G2E3: variants seen among roughly 807,000 people sequenced by gnomAD.
G2E3 encodes the protein G2/M-phase specific E3 ubiquitin protein ligase, also known as G2/M phase-specific E3 ubiquitin-protein ligase.
In G2E3, 35 loss-of-function variants were observed where a neutral mutation model predicts 92.8. The observed-to-expected ratio is 0.38, with a 90% CI of 0.29 to 0.50. The LOEUF (loss-of-function observed/expected upper bound fraction) is 0.50. Ranked by LOEUF, G2E3 falls within the 20% of genes least tolerant of loss-of-function variation. The pLI is 0.94. For missense variants in G2E3, 554 were observed against 823.8 expected (o/e 0.67, Z 4.01); for synonymous variants, 242 against 272.4 (o/e 0.89, Z 1.10).
In G2E3 at chr14:30,616,586, C is replaced by G. The variant is rs1360730925; in HGVS notation, c.*52C>G. ...TCTTTAAAAGCTGCTATTGATAACT[C>G]TCTTTTATTTCACTAACCTTTTCAT... On this transcript the variant is annotated 3_prime_UTR_variant, in exon 15 of 15. Transcript: ENST00000206595. 2 of 1,352,054 alleles carry G rather than the reference C, an allele frequency of 1.5e-6. No individual in the cohort carries two copies. Among genetic ancestry groups the G allele is most frequent in the African/African-American group, 1.5e-5 (1 of 68,000 alleles). The allele number at this position is 1,352,054 out of a possible 1,614,324, so 83.8% of individuals were successfully genotyped here.
At chr14:30,607,098 G>A (rs1296644288) in intron 11 of G2E3, among the ~76,000 whole-genome samples, 2 of 152,062 alleles carry the variant, frequency 1.3e-5, no homozygotes, top group Non-Finnish European at 2.9e-5. Flanking sequence ...CAGGGGGATG[G>A]TTTGCATTAT....
chr14:30,560,689 G>T (rs1317254090), intron 1 of G2E3: 12 of 628,186 alleles, frequency 1.9e-5, no homozygotes, highest in South Asian at 5.3e-5. Flanking sequence ...TTGGATTTTT[G>T]CTCTTTCTTA....
chr14:30,582,966 A>G (rs1243629838), intron 2 of G2E3, among the ~76,000 whole-genome samples: 1 of 152,196 alleles, frequency 6.6e-6, no homozygotes, highest in African/African-American at 2.4e-5. Context: ...GATTGCATGT[A>G]TTATTCAAGG....
intron 1 of G2E3, among the ~76,000 whole-genome samples, chr14:30,572,718 TC>T (rs1879839681): frequency 6.6e-6 from 1 of 152,092 alleles, no homozygotes; most frequent in Non-Finnish European, 1.5e-5. Context: ...AGATATATTA[TC>T]CTTTTTTTTT....
chr14:30,583,978 G>A (rs1313253002), intron 2 of G2E3, among the ~76,000 whole-genome samples: 2 of 151,992 alleles, frequency 1.3e-5, no homozygotes, highest in South Asian at 2.1e-4. Flanking sequence ...CATTTTAATC[G>A]CCCTCAAAGG....
Position 30,617,797 on chromosome 14 carries a change from A to G in G2E3, c.*1263A>G, listed in dbSNP as rs969236457. 2.0e-4 allele frequency: 30 copies of G among 152,136 alleles called. No individual in the cohort carries two copies. The highest frequency in any genetic ancestry group is 6.0e-4 in the African/African-American group (25 of 41,462). 9.4% of individuals were successfully genotyped at this position (152,136 alleles called of 1,614,324 possible). On this transcript the variant is annotated 3_prime_UTR_variant, in exon 15 of 15. Coordinates refer to ENST00000206595, the MANE Select transcript of G2E3 (RefSeq NM_017769.5). ...TAACTGTACTAACAAAGTGCTAACAATGTGAAAATATATAGTCCCATAGTC... is the reference window on the plus strand; with the variant it reads ...TAACTGTACTAACAAAGTGCTAACAGTGTGAAAATATATAGTCCCATAGTC...
intron 1 of G2E3, among the ~76,000 whole-genome samples, chr14:30,575,462 G>A (rs1016769981): frequency 2.6e-5 from 4 of 152,082 alleles, no homozygotes; most frequent in Admixed American, 6.6e-5. Context: ...CTTGAGAACC[G>A]ACACAAGACG....
intron 1 of G2E3, among the ~76,000 whole-genome samples, chr14:30,565,297 T>C (rs1879360681): frequency 6.6e-6 from 1 of 152,200 alleles, no homozygotes; most frequent in Non-Finnish European, 1.5e-5. Flanking sequence ...AGATATTTTG[T>C]TCATTTTTAA....
intron 1 of G2E3, chr14:30,560,522 T>C (rs1281233480): frequency 2.3e-6 from 1 of 431,188 alleles, no homozygotes; most frequent in East Asian, 3.7e-5. Flanking sequence ...AGTTAAAATA[T>C]GAGCATTTTT....
intron 8 of G2E3, 56 bp downstream of exon 8, chr14:30,598,655 G>A (rs1881409321): frequency 7.3e-6 from 8 of 1,090,910 alleles, no homozygotes; most frequent in Non-Finnish European, 8.5e-6. Flanking sequence ...CTTCTGCTGA[G>A]AAAGTAGATT....
At chr14:30,577,995 T>C (rs1438416919) in intron 1 of G2E3, 6 of 152,294 alleles carry the variant, frequency 3.9e-5, no homozygotes, top group African/African-American at 1.4e-4. Flanking sequence ...CACTTAGATA[T>C]TATTTTTTTT....
intron 11 of G2E3, among the ~76,000 whole-genome samples, chr14:30,606,161 C>T (rs541893422): frequency 6.6e-6 from 1 of 152,022 alleles, no homozygotes; most frequent in African/African-American, 2.4e-5. Context: ...TTGGAATTTG[C>T]GGTTAACATA....
rs956441557 is a variant in G2E3 at position 30,593,505 on chromosome 14, A to T, written c.394A>T (p.Ile132Leu). The T allele has an allele frequency of 6.4e-7, 1 of 1,563,020 alleles. No individual in the cohort carries two copies. The highest frequency in any genetic ancestry group is 1.4e-5 in the African/African-American group (1 of 73,790). ...TTGTTGGGACCATCGACCTGTTCAA[A>T]TAATTACATCTAATAATTATAGAGA... The part of the protein sequence containing the change: ...SFCWDHRPVQ[I>L]ITSNNYRESL... Residue 132 changes from isoleucine to leucine, a missense_variant, in exon 6 of 15, where the codon ATA (isoleucine) becomes TTA (leucine). Coordinates refer to ENST00000206595, the MANE Select transcript of G2E3 (RefSeq NM_017769.5).
chr14:30,564,268 T>C (rs1159353622), intron 1 of G2E3, among the ~76,000 whole-genome samples: 1 of 152,244 alleles, frequency 6.6e-6, no homozygotes, highest in Non-Finnish European at 1.5e-5. Context: ...ATATGCCTTA[T>C]TTCTCTTGGC....
chr14:30,594,992 G>T (rs1035667142), intron 6 of G2E3, among the ~76,000 whole-genome samples: 3 of 151,610 alleles, frequency 2.0e-5, no homozygotes, highest in Non-Finnish European at 2.9e-5. Flanking sequence ...AAAAAAATTA[G>T]CTGGGCGTGG....
At chr14:30,582,587 T>C (rs1272489457) in intron 2 of G2E3, among the ~76,000 whole-genome samples, 1 of 152,246 alleles carries the variant, frequency 6.6e-6, no homozygotes. Flanking sequence ...CAGCTAATTC[T>C]ACATAATTCT....
intron 3 of G2E3, among the ~76,000 whole-genome samples, chr14:30,588,783 T>C (rs1439939236): frequency 6.6e-6 from 1 of 152,182 alleles, no homozygotes. Context: ...ACACTTTCTC[T>C]GATTCAGGCT....
At chr14:30,569,271 C>T (rs981227797) in intron 1 of G2E3, among the ~76,000 whole-genome samples, 2 of 152,166 alleles carry the variant, frequency 1.3e-5, no homozygotes, top group African/African-American at 4.8e-5. Context: ...AACTTCTGAT[C>T]TTTCTGAATT....
Position 30,616,537 on chromosome 14 carries a change from T to C in G2E3, c.*3T>C. On this transcript the variant is annotated 3_prime_UTR_variant, in exon 15 of 15. Transcript: ENST00000206595. ...GTTCTCATTACATTGGACATTAAAATGTTTCCTTGAACAAAGAGAAGCTTC... is the reference window on the plus strand; with the variant it reads ...GTTCTCATTACATTGGACATTAAAACGTTTCCTTGAACAAAGAGAAGCTTC... 6.3e-7 allele frequency: 1 copy of C among 1,575,944 alleles called. No individual in the cohort carries two copies. The highest frequency in any genetic ancestry group is 8.6e-7 in the Non-Finnish European group (1 of 1,160,922).
Sources: allele counts gnomAD v4.1 joint callset (sites outside exome capture counted in the v4.1 genomes callset), GRCh38; gene constraint gnomAD v4.1.1; transcripts MANE v1.5; gene names NCBI Gene and HGNC (gene_info 2026-07-23, HGNC 2026-07-21).